EPHA5: variants seen among roughly 807,000 people sequenced by gnomAD.
The protein encoded by EPHA5 is EPH receptor A5.
EPHA5 carries 60 observed loss-of-function variants against 105.0 expected under a neutral mutation model. The ratio of observed to expected loss-of-function variants is 0.57; its 90% CI spans 0.46 to 0.71. EPHA5 has a LOEUF of 0.71. Ranked by LOEUF, EPHA5 falls within the 30% of genes least tolerant of loss-of-function variation. EPHA5 has a pLI of 0.00. For synonymous variants in EPHA5, 513 were observed against 449.1 expected, an observed-to-expected ratio of 1.14 and a Z score of -1.80; for missense variants, 1,218 against 1,274.7, an observed-to-expected ratio of 0.96 and a Z score of 0.68.
chr4:65,552,859 C>CT (rs564936089), intron 3 of EPHA5, among the ~76,000 whole-genome samples: 165 of 151,906 alleles, frequency 1.1e-3, no homozygotes, highest in Non-Finnish European at 1.6e-3. Context: ...AGGAAATATT[C>CT]TTTTTTTTAG....
At chr4:65,370,460 A>G (rs1718348214) in intron 8 of EPHA5, among the ~76,000 whole-genome samples, 1 of 152,142 alleles carries the variant, frequency 6.6e-6, no homozygotes, top group Non-Finnish European at 1.5e-5. Flanking sequence ...ACTTTGTTAG[A>G]CGAATTCTAC....
chr4:65,481,830 A>G (rs1177091540), intron 5 of EPHA5, among the ~76,000 whole-genome samples: 5 of 152,238 alleles, frequency 3.3e-5, no homozygotes, highest in Admixed American at 1.3e-4. Flanking sequence ...TCAATGTGCT[A>G]CTTCTGGTAG....
At chr4:65,402,909 T>A (rs188216269) in intron 8 of EPHA5, among the ~76,000 whole-genome samples, 11 of 152,240 alleles carry the variant, frequency 7.2e-5, no homozygotes, top group Non-Finnish European at 1.6e-4. Context: ...GGGATATAGG[T>A]TGTGCATTCT....
chr4:65,457,258 C>T (rs1410138666), intron 5 of EPHA5, among the ~76,000 whole-genome samples: 1 of 152,134 alleles, frequency 6.6e-6, no homozygotes, highest in Non-Finnish European at 1.5e-5. Context: ...TTACAGTCTT[C>T]TACTTAGGCT....
At chr4:65,525,907 T>G (rs1455451059) in intron 3 of EPHA5, among the ~76,000 whole-genome samples, 1 of 151,860 alleles carries the variant, frequency 6.6e-6, no homozygotes, top group Non-Finnish European at 1.5e-5. Flanking sequence ...GGGGTCGCTG[T>G]CTCAGGCGCT....
chr4:65,561,752 C>A (rs1231466596), intron 3 of EPHA5, among the ~76,000 whole-genome samples: 1 of 152,028 alleles, frequency 6.6e-6, no homozygotes, highest in Admixed American at 6.6e-5. Context: ...TGGTATATTT[C>A]TTGGAAACCA....
chr4:65,612,016 C>CAA (rs1167342911), intron 2 of EPHA5, among the ~76,000 whole-genome samples: 12,099 of 57,976 alleles, frequency 0.21, 2,243 homozygotes, highest in East Asian at 0.42. Context: ...GACCCTCTCT[C>CAA]AAAAAAAAAA....
chr4:65,353,878 T>C (rs1307626779), intron 11 of EPHA5, among the ~76,000 whole-genome samples: 1 of 151,814 alleles, frequency 6.6e-6, no homozygotes, highest in African/African-American at 2.4e-5. Context: ...TAAAGCTCTG[T>C]TCTAATTGTT....
At chr4:65,599,161 C>G (rs985721297) in intron 3 of EPHA5, among the ~76,000 whole-genome samples, 2 of 151,942 alleles carry the variant, frequency 1.3e-5, no homozygotes, top group Non-Finnish European at 2.9e-5. Context: ...AGAAAGTTGA[C>G]TGGTAATTTC....
intron 3 of EPHA5, among the ~76,000 whole-genome samples, chr4:65,528,899 A>AT (rs1735497683): frequency 6.6e-6 from 1 of 152,154 alleles, no homozygotes; most frequent in Admixed American, 6.5e-5. Flanking sequence ...TCTACTTCAA[A>AT]TTATAGGATA....
intron 5 of EPHA5, among the ~76,000 whole-genome samples, chr4:65,482,702 G>T (rs1437694888): frequency 2.0e-5 from 3 of 152,082 alleles, no homozygotes; most frequent in African/African-American, 7.2e-5. Flanking sequence ...GTTCACACTT[G>T]AATTAATTTA....
intron 3 of EPHA5, among the ~76,000 whole-genome samples, chr4:65,576,925 T>C (rs142269432): frequency 5.0e-3 from 762 of 152,242 alleles, no homozygotes; most frequent in Non-Finnish European, 8.3e-3. Flanking sequence ...TCTTTCCATG[T>C]CTATCAGTTT....
chr4:65,398,225 A>T (rs534886658), intron 8 of EPHA5, among the ~76,000 whole-genome samples: 1 of 152,236 alleles, frequency 6.6e-6, no homozygotes, highest in Admixed American at 6.5e-5. Flanking sequence ...TTTGGAGCAA[A>T]GTTGAGGATG....
intron 5 of EPHA5, among the ~76,000 whole-genome samples, chr4:65,481,760 T>C (rs535269808): frequency 6.6e-6 from 1 of 152,324 alleles, no homozygotes; most frequent in African/African-American, 2.4e-5. Context: ...GTTCCTGATA[T>C]AGAACCAAGA....
rs779988410 is a variant in EPHA5 at position 65,490,546 on chromosome 4, A to G, written c.1233T>C (p.His411=). The G allele has an allele frequency of 6.2e-7, 1 of 1,614,124 alleles. No homozygotes were observed. Among genetic ancestry groups the G allele is most frequent in the South Asian group, 1.1e-5 (1 of 91,082 alleles). The part of the protein sequence containing the change: ...HAGVCEECGG[H]VRYLPRQSGL... ...CGCTTTGCCGGGGAAGGTACCTGACATGACCGCCACACTCCTCACACACAC... is the reference window on the plus strand; with the variant it reads ...CGCTTTGCCGGGGAAGGTACCTGACGTGACCGCCACACTCCTCACACACAC... Residue 411 remains histidine, a synonymous_variant, in exon 5 of 17, where the codon CAT becomes CAC. Transcript: ENST00000613740.
intron 3 of EPHA5, among the ~76,000 whole-genome samples, chr4:65,503,091 C>A (rs771832465): frequency 1.3e-4 from 20 of 151,548 alleles, no homozygotes; most frequent in Non-Finnish European, 2.2e-4. Context: ...AAGATGGCAA[C>A]AATAGACTCT....
chr4:65,469,308 A>ACTCG (rs1425101326), intron 5 of EPHA5, among the ~76,000 whole-genome samples: 1 of 152,042 alleles, frequency 6.6e-6, no homozygotes, highest in Non-Finnish European at 1.5e-5. Flanking sequence ...AATTTATGCT[A>ACTCG]CTCGCAGCTT....
chr4:65,513,374 G>T (rs150911473), intron 3 of EPHA5, among the ~76,000 whole-genome samples: 1,890 of 151,860 alleles, frequency 0.012, 31 homozygotes, highest in African/African-American at 0.038. Flanking sequence ...AAGATTTGGG[G>T]TTTTTTTGTT....
At chr4:65,459,094 T>G (rs964364032) in intron 5 of EPHA5, among the ~76,000 whole-genome samples, 2 of 152,086 alleles carry the variant, frequency 1.3e-5, no homozygotes, top group Non-Finnish European at 2.9e-5. Context: ...ATCTGAATTA[T>G]TATGTTTCTT....
Sources: allele counts gnomAD v4.1 joint callset (sites outside exome capture counted in the v4.1 genomes callset), GRCh38; gene constraint gnomAD v4.1.1; transcripts MANE v1.5; gene names NCBI Gene and HGNC (gene_info 2026-07-23, HGNC 2026-07-21).